The following POLR3B variants were observed in gnomAD, a reference collection of about 807,000 sequenced individuals.
POLR3B encodes DNA-directed RNA polymerase III subunit RPC2.
A neutral mutation model predicts 147.4 loss-of-function variants in POLR3B; 96 were observed. The observed-to-expected ratio is 0.65, with a 90% confidence interval of 0.55 to 0.77. POLR3B has a LOEUF of 0.77. Among genes scored for constraint, POLR3B ranks in the 30% least tolerant of loss-of-function variants. POLR3B has a pLI of 0.00. For missense variants in POLR3B, 1,036 were observed against 1,413.5 expected (o/e 0.73, Z 4.28); for synonymous variants, 461 against 485.9 (o/e 0.95, Z 0.67).
Position 106,430,253 on chromosome 12 carries a change from T to C in POLR3B, c.1264-20T>C, listed in dbSNP as rs764878141. On this transcript the variant is annotated intron_variant, in intron 13 of 27. Transcript: ENST00000228347. ...TAGGATTGGGTTAGGAATAGTCTTA[T>C]GTCTTTCATCTCCCTACAGGGAAAT... The C allele has an allele frequency of 4.4e-6, 7 of 1,596,928 alleles. No individual in the cohort carries two copies. In the South Asian group the frequency reaches 7.7e-5, roughly 18 times the overall value.
At chr12:106,408,396 C>G (rs1284951986) in intron 11 of POLR3B, among the ~76,000 whole-genome samples, 1 of 152,152 alleles carries the variant, frequency 6.6e-6, no homozygotes, top group Non-Finnish European at 1.5e-5. Flanking sequence ...AAAGAACATT[C>G]CCTGGACTAG....
At chr12:106,467,944 T>C (rs1430008525) in intron 23 of POLR3B, among the ~76,000 whole-genome samples, 6 of 152,210 alleles carry the variant, frequency 3.9e-5, no homozygotes, top group African/African-American at 1.4e-4. Flanking sequence ...CCAGATTTGG[T>C]ATCAGGATGA....
intron 20 of POLR3B, among the ~76,000 whole-genome samples, chr12:106,456,661 A>G (rs887679761): frequency 2.6e-5 from 4 of 152,148 alleles, no homozygotes; most frequent in African/African-American, 9.6e-5. Flanking sequence ...GAGTCAGTGG[A>G]CTTGTGCTGT....
rs149479169 is a variant in POLR3B at position 106,405,298 on chromosome 12, T to C, written c.847-559T>C. Among the ~76,000 whole-genome samples, 429 of 152,284 alleles carry C rather than the reference T, an allele frequency of 2.8e-3. 4 individuals carry two copies. The highest frequency in any genetic ancestry group is 9.7e-3 in the African/African-American group (404 of 41,564). On this transcript the variant is annotated intron_variant, in intron 10 of 27. Transcript: ENST00000228347. ...TAAGCGTATAATGAACAGTTATGAA[T>C]GTATTGGTCAGTTTGGAGAGAATTT...
chr12:106,458,900 T>C (rs1276064183), intron 21 of POLR3B, among the ~76,000 whole-genome samples: 1 of 152,196 alleles, frequency 6.6e-6, no homozygotes, highest in Non-Finnish European at 1.5e-5. Context: ...GAAATAACTA[T>C]AAATAAAAAT....
In POLR3B at chr12:106,369,264, T is replaced by G. The variant is rs1305272981; in HGVS notation, c.228-11T>G. 2 of 1,496,348 alleles carry G rather than the reference T, an allele frequency of 1.3e-6. No homozygotes were observed. The highest frequency in any genetic ancestry group is 2.3e-5 in the East Asian group (1 of 44,300). The allele number at this position is 1,496,348 out of a possible 1,614,324, so 92.7% of individuals were successfully genotyped here. On this transcript the variant is annotated splice_polypyrimidine_tract_variant and intron_variant, in intron 4 of 27. Transcript: ENST00000228347. ...GAAGTATAATTCATACCGCACTAAT[T>G]TGCTTTTCAGATATCTTAATATCTA...
chr12:106,470,950 C>A lies in POLR3B; in HGVS notation c.2713+7330C>A, dbSNP rs77433104. Among the ~76,000 whole-genome samples, 998 of 152,284 alleles carry A rather than the reference C, an allele frequency of 6.6e-3. 10 individuals carry two copies. Among genetic ancestry groups the A allele is most frequent in the African/African-American group, 0.023 (937 of 41,572 alleles). ...CTTGAGGAGGCAGTCTGTCCATTATCAGAGCTTGAACACCGTGCTGGGAGA... is the reference window on the plus strand; with the variant it reads ...CTTGAGGAGGCAGTCTGTCCATTATAAGAGCTTGAACACCGTGCTGGGAGA... On this transcript the variant is annotated intron_variant, in intron 23 of 27. Transcript: ENST00000228347.
intron 23 of POLR3B, among the ~76,000 whole-genome samples, chr12:106,479,224 A>G (rs541791016): frequency 1.3e-5 from 2 of 152,124 alleles, no homozygotes; most frequent in East Asian, 1.9e-4. Flanking sequence ...GTGATCAAAT[A>G]TTGGGACTTC....
chr12:106,457,230 G>A lies in POLR3B; in HGVS notation c.2386G>A (p.Asp796Asn), dbSNP rs368613977. Residue 796 changes from aspartate to asparagine, a missense_variant, in exon 21 of 28, where the codon GAT becomes AAT. Physicochemically the swap from Asp to Asn is conservative, Grantham distance 23. Around this residue, in one of 12 missense-constraint regions of POLR3B, gnomAD observed 202 missense variants for 272.8 expected, o/e 0.74. Coordinates refer to ENST00000228347, the MANE Select transcript of POLR3B (RefSeq NM_018082.6). ...TGATAAAGTGATGGGGCCCATGTTGGATGCTGCTACAAGGAAACCTATCTG... is the reference window on the plus strand; with the variant it reads ...TGATAAAGTGATGGGGCCCATGTTGAATGCTGCTACAAGGAAACCTATCTG... The part of the protein sequence containing the change: ...TFDKVMGPML[D>N]AATRKPIWRH... 2.0e-5 allele frequency: 33 copies of A among 1,613,388 alleles called. No homozygotes were observed. Among genetic ancestry groups the A allele is most frequent in the Non-Finnish European group, 2.8e-5 (33 of 1,179,452 alleles).
intron 22 of POLR3B, among the ~76,000 whole-genome samples, chr12:106,461,542 C>T (rs1374338809): frequency 6.6e-6 from 1 of 152,140 alleles, no homozygotes; most frequent in Admixed American, 6.5e-5. Context: ...CATGTATAGT[C>T]GAACTTGCCA....
intron 23 of POLR3B, among the ~76,000 whole-genome samples, chr12:106,475,925 A>C (rs2137050826): frequency 6.6e-6 from 1 of 150,788 alleles, no homozygotes; most frequent in African/African-American, 2.4e-5. Flanking sequence ...TTAGCTGGTT[A>C]TTTTGCTCAT....
chr12:106,418,085 A>C (rs2037330222), intron 12 of POLR3B, among the ~76,000 whole-genome samples: 1 of 152,196 alleles, frequency 6.6e-6, no homozygotes, highest in Admixed American at 6.5e-5. Flanking sequence ...AGTTGTCTCC[A>C]CTGGCCAAGC....
In POLR3B at chr12:106,360,679, T is replaced by G. The variant is rs140392545; in HGVS notation, c.72+2728T>G. On this transcript the variant is annotated intron_variant, in intron 1 of 27. Coordinates refer to ENST00000228347, the MANE Select transcript of POLR3B (RefSeq NM_018082.6). ...TGCTTATGGTAGCACAGCAGCATGG[T>G]AGTATGGTAGAAACAACACAAGCTT... Among the ~76,000 whole-genome samples the G allele has an allele frequency of 1.9e-3, 285 of 152,328 alleles. 1 individual carries two copies. The highest frequency in any genetic ancestry group is 6.4e-3 in the African/African-American group (267 of 41,566).
intron 4 of POLR3B, among the ~76,000 whole-genome samples, chr12:106,368,459 A>C (rs2136885368): frequency 6.6e-6 from 1 of 152,244 alleles, no homozygotes; most frequent in South Asian, 2.1e-4. Flanking sequence ...TGCAGGACTC[A>C]TTCTAACCTT....
intron 4 of POLR3B, among the ~76,000 whole-genome samples, chr12:106,368,357 T>A (rs1306948199): frequency 1.3e-5 from 2 of 152,082 alleles, no homozygotes; most frequent in Non-Finnish European, 2.9e-5. Flanking sequence ...TACGAACACA[T>A]ATGTGCAGAC....
At chr12:106,462,311 G>A (rs199650114) in intron 22 of POLR3B, among the ~76,000 whole-genome samples, 3 of 152,222 alleles carry the variant, frequency 2.0e-5, no homozygotes, top group East Asian at 3.9e-4. Flanking sequence ...GCAGTGGCAC[G>A]ATCTTGGCTC....
chr12:106,505,215 G>A lies in POLR3B; in HGVS notation c.3272+961G>A, dbSNP rs537142784. Among the ~76,000 whole-genome samples, 211 of 152,080 alleles carry A rather than the reference G, an allele frequency of 1.4e-3. 1 individual carries two copies. The highest frequency in any genetic ancestry group is 2.6e-3 in the Non-Finnish European group (175 of 68,008). On this transcript the variant is annotated intron_variant, in intron 27 of 27. Coordinates refer to ENST00000228347, the MANE Select transcript of POLR3B (RefSeq NM_018082.6). ...CCAGAGAAGAAAAAGCTCACTTAGG[G>A]TTATTCCTAAAACACTCCTGTAGGC...
chr12:106,504,062 C>T lies in POLR3B; in HGVS notation c.3099-19C>T, dbSNP rs779393968. On this transcript the variant is annotated intron_variant, in intron 26 of 27. Transcript: ENST00000228347. This position sits in a 1 kb window ranked among gnomAD's most constrained non-coding sequence, Gnocchi z 4.6. ...TTTAACAGAATAATAACACATTTGTCTAATAACTTGTTTCAAAGGCAACCC... is the reference window on the plus strand; with the variant it reads ...TTTAACAGAATAATAACACATTTGTTTAATAACTTGTTTCAAAGGCAACCC... The T allele has an allele frequency of 1.2e-6, 2 of 1,610,770 alleles. No homozygotes were observed. Among genetic ancestry groups the T allele is most frequent in the South Asian group, 1.1e-5 (1 of 91,000 alleles).
intron 23 of POLR3B, among the ~76,000 whole-genome samples, chr12:106,488,457 A>G (rs991351285): frequency 3.9e-5 from 6 of 152,170 alleles, no homozygotes; most frequent in Non-Finnish European, 2.9e-5. Flanking sequence ...TTTTAAATTC[A>G]TTTGGGGAGA....
Sources: allele counts gnomAD v4.1 joint callset (sites outside exome capture counted in the v4.1 genomes callset), GRCh38; gene constraint gnomAD v4.1.1; regional missense constraint gnomAD v4.1.1; non-coding constraint Gnocchi (gnomAD v3.1); transcripts MANE v1.5; gene names NCBI Gene and HGNC (gene_info 2026-07-23, HGNC 2026-07-21).